MECOM: variants seen among roughly 807,000 people sequenced by gnomAD.
MECOM encodes MDS1 and EVI1 complex locus.
Under a neutral mutation model 116.3 loss-of-function variants are expected in MECOM, and 13 were observed. The observed-to-expected ratio is 0.11, with a 90% CI of 0.07 to 0.18. The LOEUF (loss-of-function observed/expected upper bound fraction) is 0.18. MECOM is among the 10% of genes least tolerant of loss of function. The probability of loss-of-function intolerance (pLI) is 1.00; values close to 1 mark genes in which losing one functional copy is unlikely to be tolerated. For missense variants in MECOM, 1,299 were observed against 1,509.0 expected, an observed-to-expected ratio of 0.86 and a Z score of 2.31; for synonymous variants, 528 against 535.2, an observed-to-expected ratio of 0.99 and a Z score of 0.19.
intron 1 of MECOM, among the ~76,000 whole-genome samples, chr3:169,614,125 C>G (rs77785678): frequency 4.6e-4 from 25 of 54,248 alleles, no homozygotes; most frequent in Admixed American, 3.2e-3. Flanking sequence ...TTTTTTTTTT[C>G]TCTCTCTCTC....
chr3:169,128,742 T>C (rs1733712970), intron 4 of MECOM, among the ~76,000 whole-genome samples: 1 of 152,214 alleles, frequency 6.6e-6, no homozygotes, highest in Non-Finnish European at 1.5e-5. Context: ...CTAATTGTCA[T>C]AGCTTTGTTA....
intron 1 of MECOM, among the ~76,000 whole-genome samples, chr3:169,478,000 A>T (rs1433111678): frequency 6.6e-6 from 1 of 152,210 alleles, no homozygotes. Context: ...TCTTGCCAAC[A>T]TAATTAAGGT....
chr3:169,374,435 G>C (rs938584203), intron 2 of MECOM, among the ~76,000 whole-genome samples: 3 of 151,644 alleles, frequency 2.0e-5, no homozygotes, highest in Non-Finnish European at 4.4e-5. Context: ...AGTGCCACAG[G>C]GATTAAAAAA....
At chr3:169,175,432 T>C (rs1745012427) in intron 2 of MECOM, among the ~76,000 whole-genome samples, 1 of 152,168 alleles carries the variant, frequency 6.6e-6, no homozygotes, top group South Asian at 2.1e-4. Flanking sequence ...AAATATTCTA[T>C]AAAATTACCT....
At chr3:169,371,618 A>G (rs1348630733) in intron 2 of MECOM, among the ~76,000 whole-genome samples, 1 of 151,988 alleles carries the variant, frequency 6.6e-6, no homozygotes, top group Non-Finnish European at 1.5e-5. Flanking sequence ...ATGTATATCA[A>G]AACATCACGT....
chr3:169,099,960 T>C (rs1248626995), intron 12 of MECOM, among the ~76,000 whole-genome samples: 2 of 152,082 alleles, frequency 1.3e-5, no homozygotes, highest in African/African-American at 4.8e-5. Flanking sequence ...AAGAGGTAAT[T>C]TAGGAAATTA....
At chr3:169,533,689 A>G (rs1331966944) in intron 1 of MECOM, among the ~76,000 whole-genome samples, 1 of 151,664 alleles carries the variant, frequency 6.6e-6, no homozygotes, top group Admixed American at 6.6e-5. Flanking sequence ...AGGAAAAAGA[A>G]AATGCAGGCT....
intron 2 of MECOM, among the ~76,000 whole-genome samples, chr3:169,329,903 T>A (rs1362344227): frequency 2.6e-5 from 4 of 152,236 alleles, no homozygotes; most frequent in Non-Finnish European, 5.9e-5. Flanking sequence ...GTAAGCAGAT[T>A]ACCATGCAGC....
At chr3:169,305,624 C>T (rs1483030746) in intron 2 of MECOM, among the ~76,000 whole-genome samples, 1 of 152,188 alleles carries the variant, frequency 6.6e-6, no homozygotes, top group East Asian at 1.9e-4. Context: ...AGCACCAAGG[C>T]CCAGCCCACT....
intron 2 of MECOM, among the ~76,000 whole-genome samples, chr3:169,311,996 T>C (rs10936576): frequency 0.19 from 29,241 of 152,036 alleles, 4,401 homozygotes; most frequent in East Asian, 0.45. Context: ...CAGGAGTAGG[T>C]GGTAGGAGAT....
At chr3:169,552,519 G>A (rs1425469605) in intron 1 of MECOM, among the ~76,000 whole-genome samples, 1 of 152,050 alleles carries the variant, frequency 6.6e-6, no homozygotes, top group East Asian at 1.9e-4. Flanking sequence ...ACTCTATAAG[G>A]TGAGTACTAT....
At chr3:169,221,122 T>C (rs540368010) in intron 2 of MECOM, among the ~76,000 whole-genome samples, 2 of 152,328 alleles carry the variant, frequency 1.3e-5, no homozygotes, top group Admixed American at 6.5e-5. Flanking sequence ...CTTTTTCTCA[T>C]CTGTAAAATG....
intron 1 of MECOM, among the ~76,000 whole-genome samples, chr3:169,659,440 ATTTTTTTTTTT>A (rs56270349): frequency 5.6e-4 from 35 of 62,146 alleles, no homozygotes; most frequent in African/African-American, 1.8e-3. Flanking sequence ...CTAAACACAG[ATTTTTTTTTTT>A]TTTTTTTTTT....
At chr3:169,538,368 A>T (rs1334075708) in intron 1 of MECOM, among the ~76,000 whole-genome samples, 3 of 152,140 alleles carry the variant, frequency 2.0e-5, no homozygotes, top group Admixed American at 2.0e-4. Flanking sequence ...GACAACACTA[A>T]TTCATTGGAT....
At chr3:169,314,815 T>C (rs1251830747) in intron 2 of MECOM, among the ~76,000 whole-genome samples, 3 of 152,188 alleles carry the variant, frequency 2.0e-5, no homozygotes, top group Non-Finnish European at 4.4e-5. Context: ...TATTCTTACT[T>C]AAAAAGTGCT....
At chr3:169,100,053 T>C (rs1723002471) in intron 12 of MECOM, among the ~76,000 whole-genome samples, 1 of 151,444 alleles carries the variant, frequency 6.6e-6, no homozygotes, top group Admixed American at 6.6e-5. Context: ...TCCCCTGACT[T>C]CCCAGGTTTA....
At chr3:169,421,230 A>T (rs1739673253) in intron 1 of MECOM, among the ~76,000 whole-genome samples, 1 of 152,254 alleles carries the variant, frequency 6.6e-6, no homozygotes, top group East Asian at 1.9e-4. Context: ...TTAAATGTTG[A>T]TCATTTATTA....
rs529147293 is a variant in MECOM, at chr3:169,096,955, T to A, written c.2850-1710A>T. 1.7e-3 allele frequency among the ~76,000 whole-genome samples: 131 copies of A among 76,102 alleles called. 1 individual carries two copies. In the Middle Eastern group the frequency reaches 0.038, roughly 22 times the overall value. 49.9% of individuals were successfully genotyped at this position (76,102 alleles called of 152,430 possible). On this transcript the variant is annotated intron_variant, in intron 12 of 16. Coordinates refer to ENST00000651503, the MANE Select transcript of MECOM (RefSeq NM_004991.4). ...CCCCACATTATGGTAGTTGTAATAT[T>A]TTAGCCCCAGTTTTTTTTTTTTTTA...
chr3:169,588,044 A>G (rs1483490716), intron 1 of MECOM, among the ~76,000 whole-genome samples: 1 of 152,206 alleles, frequency 6.6e-6, no homozygotes, highest in Non-Finnish European at 1.5e-5. Context: ...ATCAGAAACC[A>G]GAAGAAAATT....
Sources: allele counts gnomAD v4.1 joint callset (sites outside exome capture counted in the v4.1 genomes callset), GRCh38; gene constraint gnomAD v4.1.1; transcripts MANE v1.5; gene names NCBI Gene and HGNC (gene_info 2026-07-23, HGNC 2026-07-21).